The following PHC3 variants were observed in gnomAD, a reference collection of about 807,000 sequenced individuals.
PHC3 encodes the protein polyhomeotic homolog 3.
A neutral mutation model predicts 107.4 loss-of-function variants in PHC3; 13 were observed. The ratio of observed to expected loss-of-function variants is 0.12; its 90% confidence interval spans 0.08 to 0.19. The LOEUF (loss-of-function observed/expected upper bound fraction) is 0.19. Among genes scored for constraint, PHC3 ranks in the 10% least tolerant of loss-of-function variants. The probability of loss-of-function intolerance (pLI) is 1.00; values close to 1 mark genes in which losing one functional copy is unlikely to be tolerated. For synonymous variants in PHC3, 456 were observed against 427.4 expected, an observed-to-expected ratio of 1.07 and a Z score of -0.83; for missense variants, 992 against 1,210.9, an observed-to-expected ratio of 0.82 and a Z score of 2.68.
intron 14 of PHC3, 38 bp downstream of exon 14, chr3:170,102,441 C>A: frequency 6.3e-7 from 1 of 1,593,690 alleles, no homozygotes; most frequent in African/African-American, 1.3e-5. Flanking sequence ...TGTGAATGCA[C>A]AAGAAAAATA....
intron 10 of PHC3, 147 bp from the exon 11 acceptor site, chr3:170,113,666 T>C (rs2108349123): frequency 1.4e-6 from 1 of 710,040 alleles, no homozygotes; most frequent in East Asian, 2.9e-5. Flanking sequence ...GCCTTATTCC[T>C]TGGGAAAAGA....
intron 11 of PHC3, among the ~76,000 whole-genome samples, chr3:170,111,298 G>A (rs1387636332): frequency 7.0e-6 from 1 of 143,672 alleles, no homozygotes; most frequent in African/African-American, 2.6e-5. Flanking sequence ...AGGAAGGAAG[G>A]AAGGAAGGAA....
intron 4 of PHC3, chr3:170,150,016 C>A (rs1725644972): frequency 6.6e-6 from 1 of 152,068 alleles, no homozygotes; most frequent in Non-Finnish European, 1.5e-5. Flanking sequence ...GATGGATATG[C>A]CAGTTACTCT....
rs184890076 is a variant in PHC3 at position 170,152,385 on chromosome 3, A to C, written c.415-3141T>G. Among the ~76,000 whole-genome samples, 498 of 135,612 alleles carry C rather than the reference A, an allele frequency of 3.7e-3. 1 individual carries two copies. Among genetic ancestry groups the C allele is most frequent in the African/African-American group, 0.014 (481 of 35,446 alleles). 89.0% of individuals were successfully genotyped at this position (135,612 alleles called of 152,430 possible). On this transcript the variant is annotated intron_variant, in intron 4 of 14. Transcript: ENST00000495893. ...GTATTTTTAGTAGAGACAGGGTTTC[A>C]TGGTGTTAGGCAGGATGGTCTCAAT...
chr3:170,181,184 T>C (rs147940317), intron 1 of PHC3, among the ~76,000 whole-genome samples: 1,858 of 152,330 alleles, frequency 0.012, 40 homozygotes, highest in African/African-American at 0.042. Flanking sequence ...CACGCCGGGA[T>C]GCCTCCGGCA....
At chr3:170,116,925 G>A (rs990534052) in intron 10 of PHC3, among the ~76,000 whole-genome samples, 22 of 151,136 alleles carry the variant, frequency 1.5e-4, no homozygotes, top group Non-Finnish European at 8.9e-5. Context: ...AAAAAAGAAA[G>A]AAAAAATATA....
At chr3:170,146,535 C>CTTTTTT (rs373420736) in intron 5 of PHC3, among the ~76,000 whole-genome samples, 56 of 123,430 alleles carry the variant, frequency 4.5e-4, no homozygotes, top group African/African-American at 5.7e-4. Flanking sequence ...TTTTCTTTTT[C>CTTTTTT]TTTTTTTTTT....
chr3:170,126,527 TA>T (rs1246225515), intron 8 of PHC3, among the ~76,000 whole-genome samples: 19,689 of 80,182 alleles, frequency 0.25, 1,460 homozygotes, highest in Non-Finnish European at 0.28. Flanking sequence ...TATATATATA[TA>T]TTTTTTTTTT....
At chr3:170,177,666 A>AT (rs67401455) in intron 2 of PHC3, among the ~76,000 whole-genome samples, 41,535 of 102,016 alleles carry the variant, frequency 0.41, 9,188 homozygotes, top group East Asian at 0.59. Flanking sequence ...CACGCCCAGC[A>AT]TTTTTTTTTT....
intron 4 of PHC3, among the ~76,000 whole-genome samples, chr3:170,152,337 ATTTTTTTTT>A (rs1220193435): frequency 8.2e-6 from 1 of 122,164 alleles, no homozygotes; most frequent in East Asian, 2.3e-4. Flanking sequence ...CGCCTGGCTA[ATTTTTTTTT>A]TTTTTTTTTT....
rs1714770916 is a variant in PHC3, at chr3:170,097,438, T to C, written c.2834-54A>G. ...GAATTAAATATACAACAATTAGACA[T>C]TACTCCTAACAGTCACAGTTATGCT... On this transcript the variant is annotated intron_variant, in intron 14 of 14. Transcript: ENST00000495893. The surrounding 1 kb of genome is among the most constrained non-coding windows in gnomAD (Gnocchi z 4.1). 1 of 1,549,592 alleles carries C rather than the reference T, an allele frequency of 6.5e-7. No individual in the cohort carries two copies. Among genetic ancestry groups the C allele is most frequent in the Middle Eastern group, 1.7e-4 (1 of 5,816 alleles).
At chr3:170,179,922 C>G (rs1731107584) in intron 1 of PHC3, among the ~76,000 whole-genome samples, 1 of 152,120 alleles carries the variant, frequency 6.6e-6, no homozygotes, top group Non-Finnish European at 1.5e-5. Flanking sequence ...TCTTATCGGT[C>G]TTTTCTTCTG....
chr3:170,179,647 A>G (rs966119407), intron 1 of PHC3, among the ~76,000 whole-genome samples: 2 of 152,192 alleles, frequency 1.3e-5, no homozygotes, highest in Non-Finnish European at 2.9e-5. Flanking sequence ...TTTTGAAAAC[A>G]TAAATTATGT....
At chr3:170,113,136 G>A (rs1362382387) in intron 11 of PHC3, among the ~76,000 whole-genome samples, 1 of 152,170 alleles carries the variant, frequency 6.6e-6, no homozygotes, top group Non-Finnish European at 1.5e-5. Context: ...TCCTTCAAAA[G>A]TCAAACTGAC....
At chr3:170,142,336 C>T (rs538251363) in intron 6 of PHC3, among the ~76,000 whole-genome samples, 1 of 152,052 alleles carries the variant, frequency 6.6e-6, no homozygotes, top group East Asian at 1.9e-4. Context: ...CTCAGAGATT[C>T]CGGCTCCAAA....
At chr3:170,172,140 G>C (rs1729690469) in intron 3 of PHC3, among the ~76,000 whole-genome samples, 1 of 151,550 alleles carries the variant, frequency 6.6e-6, no homozygotes, top group South Asian at 2.1e-4. Flanking sequence ...AACAGTGATA[G>C]ACAGGGAAAA....
intron 6 of PHC3, among the ~76,000 whole-genome samples, chr3:170,142,034 G>A (rs1267890532): frequency 2.5e-4 from 38 of 152,128 alleles, no homozygotes; most frequent in Admixed American, 2.5e-3. Flanking sequence ...TATCTTATGT[G>A]GAGGCACTAT....
chr3:170,109,365 G>C (rs6444897), intron 11 of PHC3, among the ~76,000 whole-genome samples: 1 of 151,854 alleles, frequency 6.6e-6, no homozygotes, highest in Admixed American at 6.6e-5. Flanking sequence ...CCATCTCATT[G>C]GTTAGAATGT....
intron 11 of PHC3, among the ~76,000 whole-genome samples, chr3:170,111,895 T>C (rs1309914061): frequency 6.6e-6 from 1 of 152,192 alleles, no homozygotes; most frequent in Non-Finnish European, 1.5e-5. Flanking sequence ...CAATAAATAT[T>C]TGTAAAGTGA....
Sources: allele counts gnomAD v4.1 joint callset (sites outside exome capture counted in the v4.1 genomes callset), GRCh38; gene constraint gnomAD v4.1.1; non-coding constraint Gnocchi (gnomAD v3.1); transcripts MANE v1.5; gene names NCBI Gene and HGNC (gene_info 2026-07-23, HGNC 2026-07-21).